Variants in CADM2 observed in about 807,000 individuals in gnomAD.
CADM2 encodes the protein immunoglobulin superfamily member 4D.
Under a neutral mutation model 49.8 loss-of-function variants are expected in CADM2, and 12 were observed. The ratio of observed to expected loss-of-function variants is 0.24; its 90% CI spans 0.15 to 0.39. The LOEUF (loss-of-function observed/expected upper bound fraction) is 0.39, where lower values mean the gene tolerates loss of function less well. Ranked by LOEUF, CADM2 falls within the 10% of genes least tolerant of loss-of-function variation. CADM2 has a pLI of 1.00. For missense variants in CADM2, 378 were observed against 492.3 expected, an observed-to-expected ratio of 0.77 and a Z score of 2.20; for synonymous variants, 214 against 175.4, an observed-to-expected ratio of 1.22 and a Z score of -1.74.
At chr3:85,046,817 A>G (rs996919523) in intron 1 of CADM2, among the ~76,000 whole-genome samples, 3 of 152,100 alleles carry the variant, frequency 2.0e-5, no homozygotes, top group Admixed American at 6.6e-5. Flanking sequence ...TTTAAATACT[A>G]TTCATTACAT....
chr3:85,601,173 T>TATACACACACAC (rs1469920736), intron 1 of CADM2, among the ~76,000 whole-genome samples: 1 of 99,454 alleles, frequency 1.0e-5, no homozygotes, highest in Non-Finnish European at 1.9e-5. Flanking sequence ...TATATATATA[T>TATACACACACAC]ACACACACAC....
intron 1 of CADM2, among the ~76,000 whole-genome samples, chr3:84,961,927 C>T (rs985305458): frequency 6.6e-6 from 1 of 152,148 alleles, no homozygotes; most frequent in Non-Finnish European, 1.5e-5. Flanking sequence ...TGGTGCCTCT[C>T]TCTCAGCCTG....
Position 85,718,678 on chromosome 3 carries a change from G to T in CADM2, c.62-7844G>T, listed in dbSNP as rs990813635. 2.0e-5 allele frequency among the ~76,000 whole-genome samples: 3 copies of T among 151,678 alleles called. No homozygotes were observed. In the South Asian group the frequency reaches 6.2e-4, roughly 31 times the overall value. ...GTACTAGAACCATGAAAACGGTAGAGTGAAAAAAATTTAATATAAAATATC... is the reference window on the plus strand; with the variant it reads ...GTACTAGAACCATGAAAACGGTAGATTGAAAAAAATTTAATATAAAATATC... On this transcript the variant is annotated intron_variant, in intron 1 of 9. Coordinates refer to ENST00000383699, the MANE Select transcript of CADM2 (RefSeq NM_001167675.2).
rs142104468 is a variant in CADM2, at chr3:85,296,325, A to G, written c.61+336657A>G. 8.7e-3 allele frequency among the ~76,000 whole-genome samples: 1,317 copies of G among 152,178 alleles called. 9 individuals are homozygous for G. Among genetic ancestry groups the G allele is most frequent in the Non-Finnish European group, 0.014 (977 of 67,968 alleles). The stretch of plus-strand genomic sequence containing the variant: ...TTAATATGTACTACATATGATTTGT[A>G]GGCAATAATTGATAACTCAAATTTA... On this transcript the variant is annotated intron_variant, in intron 1 of 9. Transcript: ENST00000383699.
intron 3 of CADM2, among the ~76,000 whole-genome samples, chr3:85,810,933 A>T (rs2072835323): frequency 6.6e-6 from 1 of 152,150 alleles, no homozygotes; most frequent in South Asian, 2.1e-4. Context: ...TCGGTTGTGG[A>T]TTGTATAATT....
intron 1 of CADM2, among the ~76,000 whole-genome samples, chr3:85,252,805 C>T (rs2042803945): frequency 6.6e-6 from 1 of 151,836 alleles, no homozygotes; most frequent in African/African-American, 2.4e-5. Flanking sequence ...CTATCATTTG[C>T]CCTTTCCACT....
intron 6 of CADM2, among the ~76,000 whole-genome samples, chr3:85,921,080 T>C (rs148505211): frequency 2.0e-5 from 3 of 152,034 alleles, no homozygotes; most frequent in African/African-American, 7.2e-5. Context: ...GTCAGTCTAA[T>C]AGAGAATAAA....
At chr3:85,724,725 G>A (rs545873979) in intron 1 of CADM2, among the ~76,000 whole-genome samples, 7 of 151,602 alleles carry the variant, frequency 4.6e-5, no homozygotes, top group East Asian at 3.9e-4. Flanking sequence ...ATTTTTTATC[G>A]TTAAGAAATT....
At chr3:85,719,229 T>C (rs771748693) in intron 1 of CADM2, among the ~76,000 whole-genome samples, 7 of 152,212 alleles carry the variant, frequency 4.6e-5, no homozygotes, top group Non-Finnish European at 8.8e-5. Flanking sequence ...ATATGATAAA[T>C]TGACCTCATT....
At chr3:86,025,698 G>A (rs553123938) in intron 8 of CADM2, among the ~76,000 whole-genome samples, 22 of 152,248 alleles carry the variant, frequency 1.4e-4, no homozygotes, top group South Asian at 8.3e-4. Flanking sequence ...AATTTATTAT[G>A]TAAATTTAAA....
chr3:85,888,946 G>A (rs544371459), intron 5 of CADM2, among the ~76,000 whole-genome samples: 99 of 152,104 alleles, frequency 6.5e-4, no homozygotes, highest in Middle Eastern at 3.4e-3. Context: ...CACTTGACAC[G>A]TTTTAAAAAG....
intron 1 of CADM2, among the ~76,000 whole-genome samples, chr3:85,563,399 T>TG (rs201235873): frequency 0.039 from 4,174 of 107,636 alleles, 203 homozygotes; most frequent in East Asian, 0.092. Flanking sequence ...ACAGGGAATT[T>TG]TTGTGTGTGT....
At chr3:85,282,440 T>C (rs1261815292) in intron 1 of CADM2, among the ~76,000 whole-genome samples, 2 of 149,918 alleles carry the variant, frequency 1.3e-5, no homozygotes, top group Admixed American at 1.3e-4. Context: ...TTTTTTTTTT[T>C]TTTTTTTTTT....
intron 1 of CADM2, among the ~76,000 whole-genome samples, chr3:85,356,056 T>C (rs1349180152): frequency 6.6e-6 from 1 of 152,082 alleles, no homozygotes; most frequent in East Asian, 1.9e-4. Flanking sequence ...TACTGGGACA[T>C]GGTTTATGTA....
rs1220127518 is a variant in CADM2 at position 85,617,690 on chromosome 3, C to G, written c.62-108832C>G. Among the ~76,000 whole-genome samples the G allele has an allele frequency of 2.6e-5, 4 of 152,246 alleles. No individual in the cohort carries two copies. In the East Asian group the frequency reaches 7.7e-4, roughly 29 times the overall value. On this transcript the variant is annotated intron_variant, in intron 1 of 9. Transcript: ENST00000383699. ...TCTGTAATCATACCTTGGTCTTTCT[C>G]GTGACCAGTTCCCATCCTGAAGCTA...
At chr3:85,947,479 A>G (rs1577741244) in intron 7 of CADM2, among the ~76,000 whole-genome samples, 1 of 151,578 alleles carries the variant, frequency 6.6e-6, no homozygotes, top group Non-Finnish European at 1.5e-5. Context: ...AATTAAAAGC[A>G]ATATAGTCAG....
At chr3:85,403,658 T>C (rs983103116) in intron 1 of CADM2, among the ~76,000 whole-genome samples, 2 of 152,166 alleles carry the variant, frequency 1.3e-5, no homozygotes, top group African/African-American at 4.8e-5. Flanking sequence ...GTTCAGGTAT[T>C]ATTAGAGCAT....
At chr3:85,083,147 G>A (rs1454572572) in intron 1 of CADM2, among the ~76,000 whole-genome samples, 1 of 151,908 alleles carries the variant, frequency 6.6e-6, no homozygotes, top group East Asian at 1.9e-4. Flanking sequence ...ATGTGTTATG[G>A]AAACACATCA....
At chr3:85,728,561 G>A (rs979269318) in intron 2 of CADM2, among the ~76,000 whole-genome samples, 1 of 151,960 alleles carries the variant, frequency 6.6e-6, no homozygotes, top group African/African-American at 2.4e-5. Context: ...GTGGATAAGA[G>A]GAAAATAAAA....
Sources: gnomAD v4.1 joint callset for allele counts (sites outside exome capture counted in the v4.1 genomes callset) on GRCh38, gnomAD v4.1.1 for gene constraint, MANE v1.5 for transcripts, NCBI Gene and HGNC (gene_info 2026-07-23, HGNC 2026-07-21) for gene names.